Variants in RPS6KA6 observed in about 807,000 individuals in gnomAD.
The protein encoded by RPS6KA6 is ribosomal protein S6 kinase A6.
In RPS6KA6, 27 loss-of-function variants were observed where a neutral mutation model predicts 65.4. The ratio of observed to expected loss-of-function variants is 0.41; its 90% confidence interval spans 0.30 to 0.57. The LOEUF (loss-of-function observed/expected upper bound fraction) is 0.57, where lower values mean the gene tolerates loss of function less well. Among genes scored for constraint, RPS6KA6 ranks in the 20% least tolerant of loss-of-function variants. The pLI is 0.24. For missense variants in RPS6KA6, 486 were observed against 555.6 expected, an observed-to-expected ratio of 0.87 and a Z score of 1.26; for synonymous variants, 190 against 184.2, an observed-to-expected ratio of 1.03 and a Z score of -0.26.
At chrX:84,129,774 T>A (rs1027384118) in intron 8 of RPS6KA6, among the ~76,000 whole-genome samples, 19 of 111,117 alleles carry the variant, frequency 1.7e-4, no homozygotes, top group African/African-American at 5.9e-4. Context: ...CTCACTTATT[T>A]ATGGGAGATG....
intron 6 of RPS6KA6, 30 bp downstream of exon 6, chrX:84,145,448 A>G: frequency 1.1e-6 from 1 of 932,134 alleles, no homozygotes; most frequent in Non-Finnish European, 1.5e-6. Context: ...TTGTTTTAAG[A>G]AAATACAGTA....
At chrX:84,079,305 C>T (rs770248330) in intron 20 of RPS6KA6, among the ~76,000 whole-genome samples, 22 of 111,516 alleles carry the variant, frequency 2.0e-4, no homozygotes, top group Non-Finnish European at 3.0e-4. Context: ...ATTTTCCCAC[C>T]GTCTTTGCAA....
At chrX:84,151,110 GA>G (rs1377020282) in intron 3 of RPS6KA6, among the ~76,000 whole-genome samples, 2 of 97,456 alleles carry the variant, frequency 2.1e-5, no homozygotes, top group African/African-American at 7.4e-5. Flanking sequence ...GATATATATA[GA>G]TATATATAGG....
rs1468511537 is a variant in RPS6KA6 at position 84,102,132 on chromosome X, T to C, written c.1681A>G (p.Ile561Val). The change falls in exon 18 of 22, where the codon ATC becomes GTC. Residue 561 changes from isoleucine (I) to valine (V), a missense_variant. Physicochemically the swap from Ile to Val is conservative, Grantham distance 29. Around this residue, in one of 3 missense-constraint regions of RPS6KA6, gnomAD observed 345 missense variants for 375.0 expected, o/e 0.92. Coordinates refer to ENST00000262752, the MANE Select transcript of RPS6KA6 (RefSeq NM_014496.5). ...YMDESASADSIRICDFGFAKQ... is the reference protein window; with the variant it reads ...YMDESASADSVRICDFGFAKQ... ...GCAAACCCAAAATCACATATCCTGA[T>C]TGAATCTGCACTGGCTGATTCATCC... 2.5e-6 allele frequency: 3 copies of C among 1,193,800 alleles called. No individual in the cohort carries two copies. The highest frequency in any genetic ancestry group is 4.4e-5 in the Admixed American group (2 of 45,195).
At chrX:84,109,849 A>G (rs962227014) in intron 12 of RPS6KA6, among the ~76,000 whole-genome samples, 2 of 110,923 alleles carry the variant, frequency 1.8e-5, no homozygotes, top group Non-Finnish European at 3.8e-5. Context: ...TCTCCTGGGC[A>G]TTCTGGGGGA....
chrX:84,117,508 A>G (rs2034591556), intron 9 of RPS6KA6, 54 bp from the exon 10 acceptor site: 4 of 763,427 alleles, frequency 5.2e-6, no homozygotes, highest in Admixed American at 3.8e-5. Flanking sequence ...AGAATATATA[A>G]TAAGATTCTC....
Position 84,148,080 on chromosome X carries a change from A to T in RPS6KA6, c.302T>A (p.Leu101His). 8.4e-7 allele frequency: 1 copy of T among 1,189,412 alleles called. No homozygotes were observed. Among genetic ancestry groups the T allele is most frequent in the Non-Finnish European group, 1.1e-6 (1 of 882,514 alleles). ...TTTTTTTAACACCTTCATTGCATAG[A>T]GCTGCCCAGCATCAGGACCGGTCTT... ...RKKTGPDAGQ[L>H]YAMKVLKKAS... is the part of the protein sequence containing the mutation. The change falls in exon 4 of 22, where the codon CTC becomes CAC. Residue 101 changes from leucine to histidine, a missense_variant. Leu to His is a moderately conservative substitution (Grantham distance 99). Around this residue, in one of 3 missense-constraint regions of RPS6KA6, gnomAD observed 106 missense variants for 105.0 expected, o/e 1.01. Transcript: ENST00000262752.
chrX:84,118,114 A>G (rs1436318849), intron 9 of RPS6KA6, among the ~76,000 whole-genome samples: 1 of 112,400 alleles, frequency 8.9e-6, no homozygotes, highest in African/African-American at 3.2e-5. Flanking sequence ...TCATTACGGT[A>G]CATTAAAGAG....
intron 1 of RPS6KA6, among the ~76,000 whole-genome samples, chrX:84,178,039 G>C (rs1428463354): frequency 9.0e-6 from 1 of 111,199 alleles, no homozygotes; most frequent in African/African-American, 3.3e-5. Context: ...AGTATTCCTC[G>C]CACGCTGCCT....
intron 3 of RPS6KA6, among the ~76,000 whole-genome samples, chrX:84,150,791 G>C (rs1039645897): frequency 6.6e-5 from 6 of 91,193 alleles, no homozygotes; most frequent in African/African-American, 1.2e-4. Context: ...GGACTATATA[G>C]AGAATATATA....
intron 20 of RPS6KA6, among the ~76,000 whole-genome samples, chrX:84,078,681 T>C (rs1033506916): frequency 8.9e-6 from 1 of 111,930 alleles, no homozygotes; most frequent in African/African-American, 3.2e-5. Context: ...ATCAAAAGAC[T>C]GCAGACTTAT....
intron 20 of RPS6KA6, among the ~76,000 whole-genome samples, chrX:84,067,204 T>C (rs1318966920): frequency 9.0e-6 from 1 of 111,569 alleles, no homozygotes; most frequent in Non-Finnish European, 1.9e-5. Context: ...TTCCAAAAAA[T>C]AGAATGCCTA....
At chrX:84,124,231 C>A (rs965912002) in intron 8 of RPS6KA6, among the ~76,000 whole-genome samples, 3 of 111,019 alleles carry the variant, frequency 2.7e-5, no homozygotes, top group Non-Finnish European at 5.7e-5. Context: ...TCTAACTCAT[C>A]AATGCCCATA....
intron 13 of RPS6KA6, 128 bp downstream of exon 13, chrX:84,107,495 A>T (rs888723664): frequency 2.4e-6 from 1 of 411,724 alleles, no homozygotes; most frequent in South Asian, 5.9e-5. Context: ...TATAGGATCC[A>T]TATTTCCCAT....
At chrX:84,159,071 CACAT>C (rs200905376) in intron 2 of RPS6KA6, among the ~76,000 whole-genome samples, 1,175 of 111,123 alleles carry the variant, frequency 0.011, 17 homozygotes, top group African/African-American at 0.034. Flanking sequence ...CACACATATA[CACAT>C]GTGTGTATGT....
At chrX:84,175,153 C>T (rs1032509479) in intron 1 of RPS6KA6, among the ~76,000 whole-genome samples, 1 of 110,639 alleles carries the variant, frequency 9.0e-6, no homozygotes, top group African/African-American at 3.3e-5. Flanking sequence ...AAATTGTTTT[C>T]AAGAAAAAAA....
At chrX:84,174,245 A>T (rs1421788809) in intron 1 of RPS6KA6, among the ~76,000 whole-genome samples, 3 of 111,788 alleles carry the variant, frequency 2.7e-5, no homozygotes, top group Non-Finnish European at 5.6e-5. Context: ...CATACTGCTT[A>T]TGAGAAATCT....
chrX:84,075,226 C>T (rs1161780990), intron 20 of RPS6KA6, among the ~76,000 whole-genome samples: 4 of 108,460 alleles, frequency 3.7e-5, no homozygotes, highest in Middle Eastern at 4.8e-3. Context: ...AGCGAGACTC[C>T]GTCGCAAAAC....
chrX:84,091,657 T>A (rs1369182639), intron 20 of RPS6KA6, among the ~76,000 whole-genome samples: 1 of 111,628 alleles, frequency 9.0e-6, no homozygotes, highest in Non-Finnish European at 1.9e-5. Context: ...TCTAGAACCA[T>A]AAATACCATT....
Sources: gnomAD v4.1 joint callset for allele counts (sites outside exome capture counted in the v4.1 genomes callset) on GRCh38, gnomAD v4.1.1 for gene constraint, gnomAD v4.1.1 regional missense constraint, MANE v1.5 for transcripts, NCBI Gene and HGNC (gene_info 2026-07-23, HGNC 2026-07-21) for gene names.